ACYP2: variants seen among roughly 807,000 people sequenced by gnomAD.
The protein encoded by ACYP2 is acylphosphatase 2.
ACYP2 carries 12 observed loss-of-function variants against 11.2 expected under a neutral mutation model. That is an observed-to-expected ratio of 1.08 (90% confidence interval 0.69 to 1.74). The LOEUF is 1.74. Among genes scored for constraint, ACYP2 ranks in the 40% most tolerant of loss-of-function variants. ACYP2 has a pLI of 0.00. For synonymous variants in ACYP2, 43 were observed against 32.2 expected, an observed-to-expected ratio of 1.33 and a Z score of -1.13; for missense variants, 134 against 101.9, an observed-to-expected ratio of 1.31 and a Z score of -1.35.
Position 54,289,922 on chromosome 2 carries a change from C to G in ACYP2, c.405-14766C>G, listed in dbSNP as rs1035563943. ...CCACATGTAGTATGCTCAATACAGC[C>G]GGTGTCTAATACACAGCCAAACAGT... On this transcript the variant is annotated intron_variant, in intron 6 of 6. Coordinates refer to ENST00000607452, the MANE Select transcript of ACYP2 (RefSeq NM_001320586.2). Among the ~76,000 whole-genome samples, 2 of 152,006 alleles carry G rather than the reference C, an allele frequency of 1.3e-5. 1 individual carries two copies. The highest frequency in any genetic ancestry group is 4.8e-5 in the African/African-American group (2 of 41,256).
At chr2:54,165,523 T>TTTCA (rs1682918351) in intron 6 of ACYP2, among the ~76,000 whole-genome samples, 1 of 128,658 alleles carries the variant, frequency 7.8e-6, no homozygotes, top group Non-Finnish European at 1.6e-5. Context: ...TCACTCTCTC[T>TTTCA]CTCTCTCTCT....
Position 54,004,907 on chromosome 2 carries a change from A to AC in ACYP2, c.62+31097_62+31098insC, listed in dbSNP as rs1263892394. ...AAGACTCTGTCTCAAAAAAAAAAAA[A>AC]AAAAAAAACAAAAGAAAGAAAAGAA... On this transcript the variant is annotated intron_variant, in intron 2 of 6. Coordinates refer to ENST00000607452, the MANE Select transcript of ACYP2 (RefSeq NM_001320586.2). Among the ~76,000 whole-genome samples the AC allele has an allele frequency of 6.6e-5, 9 of 135,690 alleles. No homozygotes were observed. The East Asian group carries it at 1.9e-3, about 29-fold the overall frequency. The allele number at this position is 135,690 out of a possible 152,430, so 89.0% of individuals were successfully genotyped here.
chr2:54,281,831 A>G (rs944362721), intron 6 of ACYP2, among the ~76,000 whole-genome samples: 1 of 152,210 alleles, frequency 6.6e-6, no homozygotes, highest in Non-Finnish European at 1.5e-5. Flanking sequence ...CTTTTTTTCC[A>G]TTACACAAAT....
chr2:53,991,395 G>T (rs1329240213), intron 2 of ACYP2, among the ~76,000 whole-genome samples: 1 of 151,150 alleles, frequency 6.6e-6, no homozygotes, highest in Admixed American at 6.6e-5. Flanking sequence ...GCTGGTGTAT[G>T]TGTAACTTTT....
chr2:54,004,894 C>CA (rs754230632), intron 2 of ACYP2, among the ~76,000 whole-genome samples: 2,263 of 31,406 alleles, frequency 0.072, 46 homozygotes, highest in African/African-American at 0.12. Flanking sequence ...GACTCTGTCT[C>CA]AAAAAAAAAA....
chr2:54,213,028 A>G (rs1685395271), intron 6 of ACYP2, among the ~76,000 whole-genome samples: 1 of 151,658 alleles, frequency 6.6e-6, no homozygotes, highest in Admixed American at 6.6e-5. Flanking sequence ...TGGTGTACAC[A>G]TTATTTCATT....
chr2:54,010,992 A>C (rs546199586), intron 2 of ACYP2, among the ~76,000 whole-genome samples: 2 of 152,082 alleles, frequency 1.3e-5, no homozygotes, highest in East Asian at 3.9e-4. Flanking sequence ...TGGACTGCAC[A>C]TGCCTCCTTT....
intron 6 of ACYP2, among the ~76,000 whole-genome samples, chr2:54,221,489 G>C (rs1685798214): frequency 6.8e-6 from 1 of 148,128 alleles, no homozygotes; most frequent in Non-Finnish European, 1.5e-5. Flanking sequence ...TTCTTGGCTA[G>C]TGGCCATTAC....
intron 6 of ACYP2, among the ~76,000 whole-genome samples, chr2:54,168,394 C>T (rs181685315): frequency 1.9e-3 from 282 of 152,228 alleles, no homozygotes; most frequent in Non-Finnish European, 2.8e-3. Context: ...ACATTGCACT[C>T]CAGCCTGGGC....
At chr2:54,120,956 G>A (rs976687176) in intron 4 of ACYP2, among the ~76,000 whole-genome samples, 15 of 152,148 alleles carry the variant, frequency 9.9e-5, no homozygotes, top group African/African-American at 3.6e-4. Context: ...CAGTGAATGG[G>A]AGCGTGTCAC....
intron 6 of ACYP2, among the ~76,000 whole-genome samples, chr2:54,285,627 A>G (rs1477917222): frequency 6.6e-6 from 1 of 152,178 alleles, no homozygotes; most frequent in Non-Finnish European, 1.5e-5. Flanking sequence ...ATTGTAATAC[A>G]TGTGTTTTTA....
intron 6 of ACYP2, among the ~76,000 whole-genome samples, chr2:54,165,519 TCTCTCTCTCTCTCTCTCA>T (rs1682917869): frequency 1.5e-5 from 1 of 64,592 alleles, no homozygotes; most frequent in African/African-American, 5.8e-5. Flanking sequence ...TCTTTCACTC[TCTCTCTCTCTCTCTCTCA>T]CACACACACA....
chr2:54,108,483 A>G (rs1487672638), intron 4 of ACYP2, among the ~76,000 whole-genome samples: 1 of 152,196 alleles, frequency 6.6e-6, no homozygotes, highest in Non-Finnish European at 1.5e-5. Flanking sequence ...CTAAGAAGAA[A>G]TCAGGACGAA....
intron 2 of ACYP2, among the ~76,000 whole-genome samples, chr2:54,015,645 TCACACACACACACACACACA>T (rs4027206): frequency 1.5e-5 from 2 of 130,420 alleles, no homozygotes; most frequent in Non-Finnish European, 3.2e-5. Flanking sequence ...TGAGACCCCG[TCACACACACACACACACACA>T]CACACACACA....
intron 6 of ACYP2, among the ~76,000 whole-genome samples, chr2:54,219,856 G>GGGGT (rs1366261046): frequency 1.8e-4 from 3 of 16,622 alleles, no homozygotes. Context: ...TGTGTATATA[G>GGGGT]ATGTGTGTGT....
chr2:54,119,426 A>G (rs529003573), intron 4 of ACYP2, among the ~76,000 whole-genome samples: 1 of 152,122 alleles, frequency 6.6e-6, no homozygotes, highest in Non-Finnish European at 1.5e-5. Flanking sequence ...TTTAGTGAAA[A>G]CTGTCTTGTT....
chr2:54,182,837 T>A (rs1683803918), intron 6 of ACYP2, among the ~76,000 whole-genome samples: 1 of 152,182 alleles, frequency 6.6e-6, no homozygotes, highest in South Asian at 2.1e-4. Context: ...AGTGCCCATC[T>A]TGGGGCAGAT....
chr2:54,057,196 G>A (rs781343414), intron 3 of ACYP2: 24 of 396,730 alleles, frequency 6.0e-5, no homozygotes, highest in African/African-American at 4.5e-4. Flanking sequence ...GGGTTTCTTG[G>A]TGATGAACTT....
At chr2:54,101,616 G>C (rs888192157) in intron 4 of ACYP2, among the ~76,000 whole-genome samples, 2 of 149,312 alleles carry the variant, frequency 1.3e-5, no homozygotes, top group Non-Finnish European at 3.0e-5. Flanking sequence ...AGAGTTTGCA[G>C]TGAGCCAAGA....
Sources: gnomAD v4.1 joint callset for allele counts (sites outside exome capture counted in the v4.1 genomes callset) on GRCh38, gnomAD v4.1.1 for gene constraint, MANE v1.5 for transcripts, NCBI Gene and HGNC (gene_info 2026-07-23, HGNC 2026-07-21) for gene names.